Variants in CNTN4 observed in about 807,000 individuals in gnomAD.
CNTN4 encodes contactin-4.
In CNTN4, 77 loss-of-function variants were observed where a neutral mutation model predicts 122.5. That is an observed-to-expected ratio of 0.63 (90% CI 0.52 to 0.76). The LOEUF (loss-of-function observed/expected upper bound fraction) is 0.76. Among genes scored for constraint, CNTN4 ranks in the 30% least tolerant of loss-of-function variants. The probability of loss-of-function intolerance (pLI) is 0.00; values close to 1 mark genes in which losing one functional copy is unlikely to be tolerated. For synonymous variants in CNTN4, 512 were observed against 447.0 expected, an observed-to-expected ratio of 1.15 and a Z score of -1.83; for missense variants, 1,256 against 1,259.1, an observed-to-expected ratio of 1.00 and a Z score of 0.04.
At chr3:2,134,006 T>G (rs1043960572) in intron 2 of CNTN4, among the ~76,000 whole-genome samples, 1 of 152,162 alleles carries the variant, frequency 6.6e-6, no homozygotes, top group African/African-American at 2.4e-5. Context: ...ATTTTAAAAC[T>G]GATGAAATTT....
chr3:3,045,845 G>T (rs372140537), intron 23 of CNTN4, among the ~76,000 whole-genome samples: 2 of 152,194 alleles, frequency 1.3e-5, no homozygotes, highest in African/African-American at 4.8e-5. Context: ...AAAGGAGGAA[G>T]TTCGAACCCA....
intron 4 of CNTN4, among the ~76,000 whole-genome samples, chr3:2,721,551 A>C (rs1051240645): frequency 1.3e-5 from 2 of 152,112 alleles, no homozygotes; most frequent in Admixed American, 1.3e-4. Context: ...ATGGTACTGA[A>C]GGCACACCTA....
At chr3:2,322,918 C>T (rs187542625) in intron 2 of CNTN4, among the ~76,000 whole-genome samples, 1 of 151,958 alleles carries the variant, frequency 6.6e-6, no homozygotes, top group African/African-American at 2.4e-5. Context: ...AAGTTGCTGT[C>T]TCAGATTGGT....
chr3:2,342,476 T>C (rs1720180), intron 3 of CNTN4, among the ~76,000 whole-genome samples: 138,058 of 152,222 alleles, frequency 0.91, 63,115 homozygotes, highest in East Asian at 1. Context: ...TATGATTCCA[T>C]GTTGATATGG....
chr3:2,411,268 A>G (rs1575576276), intron 3 of CNTN4, among the ~76,000 whole-genome samples: 2 of 152,310 alleles, frequency 1.3e-5, no homozygotes, highest in African/African-American at 2.4e-5. Context: ...GCAAACCACC[A>G]TGATACACAT....
At chr3:2,563,708 A>G (rs2079047446) in intron 3 of CNTN4, among the ~76,000 whole-genome samples, 2 of 152,216 alleles carry the variant, frequency 1.3e-5, no homozygotes, top group African/African-American at 4.8e-5. Context: ...GACTAGAACC[A>G]TTCATGTCTG....
At chr3:2,725,245 C>T (rs796302604) in intron 4 of CNTN4, among the ~76,000 whole-genome samples, 9 of 152,228 alleles carry the variant, frequency 5.9e-5, no homozygotes, top group African/African-American at 2.2e-4. Context: ...CCCTTCTATG[C>T]CCTCCTTAAA....
intron 13 of CNTN4, among the ~76,000 whole-genome samples, chr3:2,979,986 G>A (rs1259035469): frequency 6.6e-6 from 1 of 152,128 alleles, no homozygotes; most frequent in Admixed American, 6.6e-5. Flanking sequence ...TTCATCATGT[G>A]TTACTAAAGA....
At chr3:2,968,445 C>T (rs1577439570) in intron 13 of CNTN4, among the ~76,000 whole-genome samples, 1 of 152,294 alleles carries the variant, frequency 6.6e-6, no homozygotes, top group East Asian at 1.9e-4. Context: ...GAGGGATTTT[C>T]CCAGTTTGGT....
chr3:2,886,939 C>T, intron 9 of CNTN4, 101 bp from the exon 10 acceptor site: 2 of 975,008 alleles, frequency 2.1e-6, no homozygotes, highest in South Asian at 1.5e-5. Flanking sequence ...TTGCAAAACA[C>T]CCAACCTTAT....
intron 4 of CNTN4, chr3:2,629,624 C>T (rs748360276): frequency 4.6e-6 from 2 of 430,532 alleles, no homozygotes; most frequent in South Asian, 1.7e-5. Flanking sequence ...AGTTACAGCA[C>T]CAGCTTTCTT....
At chr3:2,274,556 C>T (rs2041427448) in intron 2 of CNTN4, among the ~76,000 whole-genome samples, 1 of 152,022 alleles carries the variant, frequency 6.6e-6, no homozygotes, top group Non-Finnish European at 1.5e-5. Context: ...ACTTTTCTCC[C>T]TCATAGACAA....
chr3:2,876,178 G>A (rs137988528), intron 8 of CNTN4, among the ~76,000 whole-genome samples: 216 of 152,336 alleles, frequency 1.4e-3, no homozygotes, highest in African/African-American at 5.0e-3. Context: ...CTGTTCAGCA[G>A]TGGGGAGGTT....
intron 2 of CNTN4, among the ~76,000 whole-genome samples, chr3:2,317,785 A>C (rs1286552317): frequency 6.6e-6 from 1 of 152,162 alleles, no homozygotes; most frequent in African/African-American, 2.4e-5. Flanking sequence ...CATGCTACTA[A>C]TTTCTTTAAA....
At chr3:2,541,800 A>C (rs2078040769) in intron 3 of CNTN4, among the ~76,000 whole-genome samples, 1 of 152,076 alleles carries the variant, frequency 6.6e-6, no homozygotes, top group African/African-American at 2.4e-5. Context: ...ACTGTGTTGG[A>C]GGCCTTCTTC....
rs1559415832 is a variant in CNTN4 at position 2,287,697 on chromosome 3, GAAGAAGAAGAA to G, written c.-144-51480_-144-51470del. Among the ~76,000 whole-genome samples, 13 of 79,590 alleles carry G rather than the reference GAAGAAGAAGAA, an allele frequency of 1.6e-4. 1 individual carries two copies. The highest frequency in any genetic ancestry group is 6.2e-4 in the African/African-American group (13 of 20,906). 52.2% of individuals were successfully genotyped at this position (79,590 alleles called of 152,430 possible). A position where few individuals can be genotyped will look rare whatever the true frequency, so the allele number is the denominator to read the frequency against. On this transcript the variant is annotated intron_variant, in intron 2 of 24. Coordinates refer to ENST00000418658, the MANE Select transcript of CNTN4 (RefSeq NM_175607.3). The stretch of plus-strand genomic sequence containing the variant: ...AGAAGAAGAAGAAGAAGAAGAGGAA[GAAGAAGAAGAA>G]GAGGAAGAAGAAGAAGAAGAAGAAG...
chr3:2,458,702 T>C (rs947739425), intron 3 of CNTN4, among the ~76,000 whole-genome samples: 50 of 152,132 alleles, frequency 3.3e-4, no homozygotes, highest in Non-Finnish European at 2.8e-4. Flanking sequence ...GCCAAATGGT[T>C]GTCTTGCTTT....
intron 4 of CNTN4, among the ~76,000 whole-genome samples, chr3:2,579,194 G>A (rs910653454): frequency 3.3e-5 from 5 of 152,212 alleles, no homozygotes; most frequent in African/African-American, 1.2e-4. Flanking sequence ...CTTACTGATA[G>A]AGTCTAGGGC....
At chr3:2,901,297 C>T (rs921151673) in intron 11 of CNTN4, among the ~76,000 whole-genome samples, 6 of 152,100 alleles carry the variant, frequency 3.9e-5, no homozygotes, top group African/African-American at 7.2e-5. Flanking sequence ...ATTTTCCTGC[C>T]GAACCTCAAA....
Sources: gnomAD v4.1 joint callset for allele counts (sites outside exome capture counted in the v4.1 genomes callset) on GRCh38, gnomAD v4.1.1 for gene constraint, MANE v1.5 for transcripts, NCBI Gene and HGNC (gene_info 2026-07-23, HGNC 2026-07-21) for gene names.